Variants in RNF220 observed in about 807,000 individuals in gnomAD.
RNF220 encodes E3 ubiquitin-protein ligase RNF220.
A neutral mutation model predicts 67.1 loss-of-function variants in RNF220; 7 were observed. That is an observed-to-expected ratio of 0.10 (90% CI 0.06 to 0.20). The LOEUF (loss-of-function observed/expected upper bound fraction) is 0.20. Among genes scored for constraint, RNF220 ranks in the 10% least tolerant of loss-of-function variants. The pLI, the probability that RNF220 is intolerant of heterozygous loss-of-function variation, is 1.00. For missense variants in RNF220, 565 were observed against 740.3 expected, an observed-to-expected ratio of 0.76 and a Z score of 2.75; for synonymous variants, 270 against 283.2, an observed-to-expected ratio of 0.95 and a Z score of 0.47.
intron 2 of RNF220, among the ~76,000 whole-genome samples, chr1:44,497,933 A>G (rs1220032681): frequency 1.3e-5 from 2 of 152,202 alleles, no homozygotes; most frequent in Non-Finnish European, 2.9e-5. Flanking sequence ...GCCAAAGGCA[A>G]AGGTGCTTGA....
At chr1:44,589,611 C>T (rs1425453167) in intron 2 of RNF220, among the ~76,000 whole-genome samples, 1 of 76,792 alleles carries the variant, frequency 1.3e-5, no homozygotes, top group African/African-American at 4.2e-5. Context: ...GAGACTGCAT[C>T]TCAAAAAAAA....
chr1:44,553,313 G>A (rs1662817424), intron 2 of RNF220, among the ~76,000 whole-genome samples: 1 of 152,066 alleles, frequency 6.6e-6, no homozygotes, highest in Admixed American at 6.6e-5. Context: ...TGGTATCCAT[G>A]GTGACTAGCA....
At chr1:44,474,250 C>G (rs1445282661) in intron 2 of RNF220, among the ~76,000 whole-genome samples, 1 of 151,832 alleles carries the variant, frequency 6.6e-6, no homozygotes, top group Non-Finnish European at 1.5e-5. Context: ...TGGTGTGTGC[C>G]TGTAATCCCA....
intron 2 of RNF220, among the ~76,000 whole-genome samples, chr1:44,459,301 T>C (rs1653520418): frequency 1.3e-5 from 2 of 152,100 alleles, no homozygotes; most frequent in African/African-American, 4.8e-5. Context: ...CTTTGACGCT[T>C]CCATTTCTTC....
In RNF220 at chr1:44,645,259, C is replaced by A; in HGVS notation, c.1349C>A (p.Ser450Tyr). 6.2e-7 allele frequency: 1 copy of A among 1,614,068 alleles called. No homozygotes were observed. Among genetic ancestry groups the A allele is most frequent in the South Asian group, 1.1e-5 (1 of 91,076 alleles). Residue 450 changes from serine (S) to tyrosine (Y), a missense_variant, in exon 11 of 15, where the codon TCT becomes TAT. Transcript: ENST00000361799. This position sits in a 1 kb window ranked among gnomAD's most constrained non-coding sequence, Gnocchi z 5.0. ...AGCACGCGCATCACACCTGAGTTCT[C>A]TAAATGGGCCAGTGATGGTAAGTCC... is the stretch of plus-strand genomic sequence containing the variant. ...PPSTRITPEF[S>Y]KWASDEMPST...
chr1:44,549,538 GC>G (rs894477468), intron 2 of RNF220, among the ~76,000 whole-genome samples: 10 of 152,118 alleles, frequency 6.6e-5, no homozygotes, highest in African/African-American at 2.4e-4. Flanking sequence ...AGGTCCTGAA[GC>G]CTTGGAACTC....
intron 2 of RNF220, among the ~76,000 whole-genome samples, chr1:44,434,535 C>T (rs1180351802): frequency 3.9e-5 from 6 of 151,922 alleles, no homozygotes; most frequent in Admixed American, 6.6e-5. Flanking sequence ...GGTGAAACCA[C>T]GTCTCTACTA....
intron 2 of RNF220, among the ~76,000 whole-genome samples, chr1:44,450,654 C>A (rs913208496): frequency 6.6e-6 from 1 of 152,084 alleles, no homozygotes; most frequent in Non-Finnish European, 1.5e-5. Context: ...TTACCTTATT[C>A]TTTTTAACTC....
intron 2 of RNF220, among the ~76,000 whole-genome samples, chr1:44,544,107 G>C (rs1261855053): frequency 6.6e-6 from 1 of 152,248 alleles, no homozygotes; most frequent in African/African-American, 2.4e-5. Context: ...TACCCAGCAA[G>C]AGGTCGGGAG....
At chr1:44,523,516 G>A (rs1028262385) in intron 2 of RNF220, among the ~76,000 whole-genome samples, 1 of 152,216 alleles carries the variant, frequency 6.6e-6, no homozygotes, top group Non-Finnish European at 1.5e-5. Context: ...CCCTTGCTAA[G>A]GCACAGGCTC....
chr1:44,457,159 C>G (rs1323030644), intron 2 of RNF220, among the ~76,000 whole-genome samples: 1 of 152,092 alleles, frequency 6.6e-6, no homozygotes. Context: ...TCTCCTCTTC[C>G]TCCTCTTCTC....
At chr1:44,455,647 A>G (rs1319638013) in intron 2 of RNF220, among the ~76,000 whole-genome samples, 1 of 152,234 alleles carries the variant, frequency 6.6e-6, no homozygotes, top group Admixed American at 6.5e-5. Context: ...AGACAGTAAA[A>G]ACATTGAAAA....
intron 2 of RNF220, among the ~76,000 whole-genome samples, chr1:44,516,073 T>C (rs1354512976): frequency 6.6e-6 from 1 of 152,182 alleles, no homozygotes; most frequent in East Asian, 1.9e-4. Context: ...AAAGGAGATA[T>C]GGGTGTTGTT....
chr1:44,521,114 C>T (rs1338318539), intron 2 of RNF220, among the ~76,000 whole-genome samples: 1 of 152,146 alleles, frequency 6.6e-6, no homozygotes, highest in Non-Finnish European at 1.5e-5. Flanking sequence ...CCAGGCTGAT[C>T]TGGAACTCCT....
intron 2 of RNF220, among the ~76,000 whole-genome samples, chr1:44,479,117 A>G (rs1472848443): frequency 1.5e-5 from 2 of 135,912 alleles, no homozygotes; most frequent in East Asian, 2.1e-4. Context: ...AACTTTGTGG[A>G]TTTTTTTTTT....
chr1:44,446,184 T>C (rs1652061548), intron 2 of RNF220, among the ~76,000 whole-genome samples: 1 of 152,230 alleles, frequency 6.6e-6, no homozygotes, highest in Non-Finnish European at 1.5e-5. Flanking sequence ...TTTACATCCA[T>C]CTCATGAAGA....
chr1:44,445,763 T>G (rs185558886), intron 2 of RNF220, among the ~76,000 whole-genome samples: 1 of 152,210 alleles, frequency 6.6e-6, no homozygotes, highest in Admixed American at 6.5e-5. Flanking sequence ...TGTCTTTATT[T>G]CTAGCAAGGC....
intron 2 of RNF220, among the ~76,000 whole-genome samples, chr1:44,495,725 C>A (rs1022845204): frequency 1.3e-5 from 2 of 152,202 alleles, no homozygotes; most frequent in Non-Finnish European, 2.9e-5. Context: ...TTAGCCACAG[C>A]GCCTGGCCTG....
chr1:44,601,783 C>A (rs1415368057), intron 2 of RNF220, among the ~76,000 whole-genome samples: 1 of 151,990 alleles, frequency 6.6e-6, no homozygotes, highest in African/African-American at 2.4e-5. Flanking sequence ...CAAGAGCATG[C>A]AAAAGGATTG....
Sources: gnomAD v4.1 joint callset for allele counts (sites outside exome capture counted in the v4.1 genomes callset) on GRCh38, gnomAD v4.1.1 for gene constraint, Gnocchi (gnomAD v3.1) non-coding constraint, MANE v1.5 for transcripts, NCBI Gene and HGNC (gene_info 2026-07-23, HGNC 2026-07-21) for gene names.